Variants in KCNH8 observed in about 807,000 individuals in gnomAD.
The protein encoded by KCNH8 is voltage-gated delayed rectifier potassium channel KCNH8.
A neutral mutation model predicts 103.6 loss-of-function variants in KCNH8; 70 were observed. The observed-to-expected ratio is 0.68, with a 90% CI of 0.56 to 0.82. The LOEUF (loss-of-function observed/expected upper bound fraction) is 0.82. KCNH8 is among the 40% of genes least tolerant of loss of function. The pLI, the probability that KCNH8 is intolerant of heterozygous loss-of-function variation, is 0.00. For missense variants in KCNH8, 1,217 were observed against 1,329.9 expected (o/e 0.92, Z 1.32); for synonymous variants, 498 against 489.4 (o/e 1.02, Z -0.23).
At position 19,500,779 on chromosome 3, in the gene KCNH8, T is replaced by C. The variant is rs142733171; in HGVS notation, c.2041-9584T>C. Among the ~76,000 whole-genome samples the C allele has an allele frequency of 7.8e-3, 1,178 of 151,144 alleles. 14 individuals are homozygous for C. The highest frequency in any genetic ancestry group is 0.02 in the South Asian group (92 of 4,712). On this transcript the variant is annotated intron_variant, in intron 11 of 15. Coordinates refer to ENST00000328405, the MANE Select transcript of KCNH8 (RefSeq NM_144633.3). ...CAGAATCTCTGGGACACATTCAAAG[T>C]TGTGTGTAGAGGGAAATTTATAGCA...
At chr3:19,196,475 C>A (rs990496713) in intron 1 of KCNH8, among the ~76,000 whole-genome samples, 3 of 151,554 alleles carry the variant, frequency 2.0e-5, no homozygotes, top group Non-Finnish European at 2.9e-5. Context: ...AAAAAAAGAT[C>A]TTGGCTTCAT....
chr3:19,176,539 T>C (rs1013724313), intron 1 of KCNH8, among the ~76,000 whole-genome samples: 10 of 152,142 alleles, frequency 6.6e-5, no homozygotes, highest in Admixed American at 5.2e-4. Context: ...TTTAAGACTA[T>C]CATTATCTTT....
intron 7 of KCNH8, among the ~76,000 whole-genome samples, chr3:19,430,559 A>G (rs747433353): frequency 6.6e-6 from 1 of 152,176 alleles, no homozygotes; most frequent in Non-Finnish European, 1.5e-5. Flanking sequence ...CATTGAATCT[A>G]TAAATTGTTT....
Position 19,534,337 on chromosome 3 carries a change from C to A in KCNH8, c.*238C>A. 1 of 519,104 alleles carries A rather than the reference C, an allele frequency of 1.9e-6. No individual in the cohort carries two copies. Among genetic ancestry groups the A allele is most frequent in the Non-Finnish European group, 3.4e-6 (1 of 295,028 alleles). 32.2% of individuals were successfully genotyped at this position (519,104 alleles called of 1,614,324 possible). On this transcript the variant is annotated 3_prime_UTR_variant, in exon 16 of 16. Transcript: ENST00000328405. ...GGTATTAAACTACTGGTCTGTTTGA[C>A]AGACTTTGGTAACAATCCAAAGACC...
chr3:19,182,036 AAAAC>A (rs753541864), intron 1 of KCNH8, among the ~76,000 whole-genome samples: 18 of 152,208 alleles, frequency 1.2e-4, no homozygotes, highest in Admixed American at 2.6e-4. Flanking sequence ...TCCTCATCAG[AAAAC>A]AAACAAACAA....
At position 19,244,386 on chromosome 3, in the gene KCNH8, T is replaced by C. The variant is rs548737670; in HGVS notation, c.77-9268T>C. 2.0e-5 allele frequency among the ~76,000 whole-genome samples: 3 copies of C among 152,344 alleles called. No homozygotes were observed. In the East Asian group the frequency reaches 5.8e-4, roughly 29 times the overall value. The stretch of plus-strand genomic sequence containing the variant: ...GATTCCATGTCTTTGCTATTGTGCA[T>C]AGCACTGTGGTGAACATATGAGTGC... On this transcript the variant is annotated intron_variant, in intron 1 of 15. Coordinates refer to ENST00000328405, the MANE Select transcript of KCNH8 (RefSeq NM_144633.3).
chr3:19,496,682 G>T (rs866407885), intron 11 of KCNH8, among the ~76,000 whole-genome samples: 1 of 152,058 alleles, frequency 6.6e-6, no homozygotes, highest in African/African-American at 2.4e-5. Flanking sequence ...CCAGGTTTTG[G>T]TATCAGGATG....
At chr3:19,171,046 G>A (rs952073185) in intron 1 of KCNH8, among the ~76,000 whole-genome samples, 3 of 151,640 alleles carry the variant, frequency 2.0e-5, no homozygotes, top group Non-Finnish European at 2.9e-5. Context: ...TGATCCACCC[G>A]CCTTCGGCCT....
intron 1 of KCNH8, among the ~76,000 whole-genome samples, chr3:19,151,916 T>G (rs1270803889): frequency 2.0e-5 from 3 of 152,106 alleles, no homozygotes; most frequent in Non-Finnish European, 4.4e-5. Context: ...TTTTATGGTT[T>G]GTATTTAACT....
intron 6 of KCNH8, 73 bp from the exon 7 acceptor site, chr3:19,395,031 A>G (rs1460660798): frequency 2.8e-6 from 3 of 1,059,548 alleles, no homozygotes; most frequent in Non-Finnish European, 4.4e-6. Flanking sequence ...AATTTTTAGA[A>G]TGGCTCCAAG....
At chr3:19,482,719 A>T (rs2125215676) in intron 11 of KCNH8, among the ~76,000 whole-genome samples, 1 of 152,314 alleles carries the variant, frequency 6.6e-6, no homozygotes, top group East Asian at 1.9e-4. Flanking sequence ...CATATTTTTA[A>T]CTATGTCTTC....
At chr3:19,426,336 G>A (rs887895909) in intron 7 of KCNH8, among the ~76,000 whole-genome samples, 8 of 151,824 alleles carry the variant, frequency 5.3e-5, no homozygotes, top group Non-Finnish European at 8.8e-5. Context: ...TCTCAAAATT[G>A]GAGTTTCTTG....
At chr3:19,321,254 G>C (rs1437502204) in intron 3 of KCNH8, among the ~76,000 whole-genome samples, 1 of 151,698 alleles carries the variant, frequency 6.6e-6, no homozygotes, top group African/African-American at 2.4e-5. Context: ...TGTTTCTCTA[G>C]TTCTCCGAGG....
chr3:19,357,227 A>G, intron 5 of KCNH8, among the ~76,000 whole-genome samples: 1 of 151,706 alleles, frequency 6.6e-6, no homozygotes, highest in Admixed American at 6.6e-5. Flanking sequence ...AAAGAAACAC[A>G]TGTAAGGGAA....
intron 1 of KCNH8, among the ~76,000 whole-genome samples, chr3:19,247,011 G>T (rs746966601): frequency 6.6e-6 from 1 of 152,136 alleles, no homozygotes; most frequent in Non-Finnish European, 1.5e-5. Flanking sequence ...TAGAGTTCCA[G>T]CTTTGAGCTT....
At chr3:19,299,687 T>C (rs1298576067) in intron 3 of KCNH8, among the ~76,000 whole-genome samples, 2 of 152,070 alleles carry the variant, frequency 1.3e-5, no homozygotes, top group Admixed American at 1.3e-4. Context: ...AAAGTTTTAA[T>C]GTGACTATGT....
intron 1 of KCNH8, among the ~76,000 whole-genome samples, chr3:19,212,078 T>C (rs1174981212): frequency 6.6e-6 from 1 of 152,206 alleles, no homozygotes; most frequent in Non-Finnish European, 1.5e-5. Flanking sequence ...ATGAGCTTTA[T>C]TCATGGTGTT....
At chr3:19,339,590 TAA>T (rs2065630782) in intron 3 of KCNH8, among the ~76,000 whole-genome samples, 1 of 152,180 alleles carries the variant, frequency 6.6e-6, no homozygotes. Context: ...CACAAGTTTT[TAA>T]AAAGTGTCCT....
chr3:19,253,722 T>G lies in KCNH8; in HGVS notation c.145T>G (p.Phe49Val). Reference sequence around the variant, plus strand: ...CCCCATAGTCTACTGTTCCGATGGCTTCTGCGAGCTTGCTGGATTTGCCCG... The same window carrying G: ...CCCCATAGTCTACTGTTCCGATGGCGTCTGCGAGCTTGCTGGATTTGCCCG... ...GFPIVYCSDG[F>V]CELAGFARTE... is the part of the protein sequence containing the mutation. The change falls in exon 2 of 16, where the codon TTC becomes GTC. Residue 49 changes from phenylalanine to valine, a missense_variant. By Grantham distance (50) the Phe-to-Val change is conservative. Around this residue, in one of 3 missense-constraint regions of KCNH8, gnomAD observed 244 missense variants for 256.8 expected, o/e 0.95. Coordinates refer to ENST00000328405, the MANE Select transcript of KCNH8 (RefSeq NM_144633.3). 1 of 1,613,850 alleles carries G rather than the reference T, an allele frequency of 6.2e-7. No individual in the cohort carries two copies. The highest frequency in any genetic ancestry group is 2.2e-5 in the East Asian group (1 of 44,852).
Sources: gnomAD v4.1 joint callset for allele counts (sites outside exome capture counted in the v4.1 genomes callset) on GRCh38, gnomAD v4.1.1 for gene constraint, gnomAD v4.1.1 regional missense constraint, MANE v1.5 for transcripts, NCBI Gene and HGNC (gene_info 2026-07-23, HGNC 2026-07-21) for gene names.